Variants in CBLN2 observed in about 807,000 individuals in gnomAD.
CBLN2 encodes the protein cerebellin-2.
CBLN2 carries 7 observed loss-of-function variants against 15.0 expected under a neutral mutation model. The ratio of observed to expected loss-of-function variants is 0.47; its 90% confidence interval spans 0.27 to 0.88. CBLN2 has a LOEUF of 0.88. Ranked by LOEUF, CBLN2 falls within the 40% of genes least tolerant of loss-of-function variation. CBLN2 has a pLI of 0.14. For synonymous variants in CBLN2, 149 were observed against 135.2 expected (o/e 1.10, Z -0.71); for missense variants, 242 against 304.5 (o/e 0.79, Z 1.53).
chr18:72,583,336 C>A (rs1009876811), intron 1 of CBLN2, among the ~76,000 whole-genome samples: 4 of 152,152 alleles, frequency 2.6e-5, no homozygotes, highest in Non-Finnish European at 4.4e-5. Context: ...ACAAAAGCAG[C>A]GGCTCTTTCT....
At chr18:72,633,532 A>G (rs2069790871) in intron 1 of CBLN2, among the ~76,000 whole-genome samples, 1 of 152,220 alleles carries the variant, frequency 6.6e-6, no homozygotes, top group African/African-American at 2.4e-5. Flanking sequence ...GAGAACTCAT[A>G]GAGCAAAGAA....
intron 1 of CBLN2, among the ~76,000 whole-genome samples, chr18:72,606,187 A>G (rs1417504362): frequency 6.6e-6 from 1 of 152,040 alleles, no homozygotes; most frequent in African/African-American, 2.4e-5. Context: ...TTTGCCTTTT[A>G]TTCCAAGTCC....
At chr18:72,635,086 C>T (rs4892018) in intron 1 of CBLN2, among the ~76,000 whole-genome samples, 29,374 of 151,876 alleles carry the variant, frequency 0.19, 3,480 homozygotes, top group South Asian at 0.32. Context: ...AGTTCCCACT[C>T]GGAAAATTGT....
At chr18:72,621,778 A>G (rs1568134507) in intron 1 of CBLN2, among the ~76,000 whole-genome samples, 1 of 152,192 alleles carries the variant, frequency 6.6e-6, no homozygotes, top group Non-Finnish European at 1.5e-5. Flanking sequence ...AAATAGGACT[A>G]TGTCATGTAT....
At chr18:72,570,163 A>G (rs2069321779) in intron 1 of CBLN2, among the ~76,000 whole-genome samples, 1 of 152,124 alleles carries the variant, frequency 6.6e-6, no homozygotes, top group Admixed American at 6.5e-5. Context: ...CATTTTTACA[A>G]ACTGATCGAT....
At chr18:72,611,282 T>C (rs2069620609) in intron 1 of CBLN2, among the ~76,000 whole-genome samples, 1 of 152,186 alleles carries the variant, frequency 6.6e-6, no homozygotes, top group Admixed American at 6.5e-5. Context: ...CTGAGTCAAA[T>C]GTTAGTTTTC....
At chr18:72,621,682 C>G (rs973459243) in intron 1 of CBLN2, among the ~76,000 whole-genome samples, 1 of 152,056 alleles carries the variant, frequency 6.6e-6, no homozygotes, top group Non-Finnish European at 1.5e-5. Context: ...TTTGTTTTAC[C>G]CTGAAGCTTT....
intron 1 of CBLN2, among the ~76,000 whole-genome samples, chr18:72,589,793 G>A (rs1351113428): frequency 6.6e-6 from 1 of 152,132 alleles, no homozygotes; most frequent in African/African-American, 2.4e-5. Context: ...CCACAGTGAG[G>A]GCCACAGGTG....
intron 1 of CBLN2, among the ~76,000 whole-genome samples, chr18:72,577,899 TAAG>T (rs1340711354): frequency 1.3e-5 from 2 of 152,208 alleles, no homozygotes; most frequent in East Asian, 3.9e-4. Context: ...TAAAGCATAA[TAAG>T]ACCACTTTCA....
At chr18:72,585,819 T>C (rs2069439127) in intron 1 of CBLN2, among the ~76,000 whole-genome samples, 1 of 152,184 alleles carries the variant, frequency 6.6e-6, no homozygotes, top group Admixed American at 6.5e-5. Context: ...CTCATGCCCA[T>C]TGGCACCCAA....
chr18:72,581,293 A>G (rs2069402332), intron 1 of CBLN2, among the ~76,000 whole-genome samples: 1 of 152,150 alleles, frequency 6.6e-6, no homozygotes, highest in African/African-American at 2.4e-5. Flanking sequence ...TGCATCTTAA[A>G]ATTAATCAAG....
intron 1 of CBLN2, among the ~76,000 whole-genome samples, chr18:72,588,045 CG>C (rs1460070339): frequency 6.6e-6 from 1 of 152,120 alleles, no homozygotes; most frequent in East Asian, 1.9e-4. Context: ...GTTTATAAAT[CG>C]CTATTATGTA....
chr18:72,625,814 C>CTATATATATATATATA (rs1250960600), intron 1 of CBLN2, among the ~76,000 whole-genome samples: 1 of 66,600 alleles, frequency 1.5e-5, no homozygotes, highest in Admixed American at 1.9e-4. Context: ...CTCTCTCTCT[C>CTATATATATATATATA]TCTCTATATA....
At chr18:72,550,498 A>G (rs1356418015) in intron 1 of CBLN2, among the ~76,000 whole-genome samples, 2 of 152,218 alleles carry the variant, frequency 1.3e-5, no homozygotes, top group Non-Finnish European at 2.9e-5. Flanking sequence ...ACTATTGTAC[A>G]GAGTTTATGG....
At position 72,604,615 on chromosome 18, in the gene CBLN2, G is replaced by A. The variant is rs117971546; in HGVS notation, c.15+33710C>T. On this transcript the variant is annotated intron_variant, in intron 1 of 2. Coordinates refer to the CBLN2 transcript ENST00000581073. ...CCTTTTAGAGATGATTGAATCATGA[G>A]AGCTCTTTCCTCATGAATGGACTAA... Among the ~76,000 whole-genome samples the A allele has an allele frequency of 4.8e-3, 732 of 152,306 alleles. 6 individuals are homozygous for A. The highest frequency in any genetic ancestry group is 8.2e-3 in the Non-Finnish European group (558 of 68,022).
At chr18:72,614,216 G>A (rs111973066) in intron 1 of CBLN2, among the ~76,000 whole-genome samples, 34 of 152,070 alleles carry the variant, frequency 2.2e-4, no homozygotes, top group South Asian at 2.1e-4. Context: ...ATGAAAATAT[G>A]CATTTCTCTT....
intron 1 of CBLN2, among the ~76,000 whole-genome samples, chr18:72,618,116 T>C (rs965516706): frequency 6.6e-6 from 1 of 152,194 alleles, no homozygotes. Flanking sequence ...TGGTTTTCTC[T>C]CTGTTCTACT....
chr18:72,602,319 G>A (rs866489970), intron 1 of CBLN2, among the ~76,000 whole-genome samples: 1 of 152,204 alleles, frequency 6.6e-6, no homozygotes, highest in Admixed American at 6.5e-5. Context: ...TGTGCTCTGG[G>A]TCTGGTGAGG....
intron 1 of CBLN2, among the ~76,000 whole-genome samples, chr18:72,580,560 T>G (rs1419413164): frequency 1.3e-5 from 2 of 152,196 alleles, no homozygotes; most frequent in Non-Finnish European, 2.9e-5. Context: ...TAACTGTGGT[T>G]AATTTCATAG....
Sources: allele counts gnomAD v4.1 joint callset (sites outside exome capture counted in the v4.1 genomes callset), GRCh38; gene constraint gnomAD v4.1.1; transcripts MANE v1.5; gene names NCBI Gene and HGNC (gene_info 2026-07-23, HGNC 2026-07-21).